The following WASL variants were observed in gnomAD, a reference collection of about 807,000 sequenced individuals.
WASL encodes the protein WASP like actin nucleation promoting factor, also known as actin nucleation-promoting factor WASL.
A neutral mutation model predicts 55.5 loss-of-function variants in WASL; 20 were observed. The ratio of observed to expected loss-of-function variants is 0.36; its 90% CI spans 0.25 to 0.52. The LOEUF (loss-of-function observed/expected upper bound fraction) is 0.52, where lower values mean the gene tolerates loss of function less well. Ranked by LOEUF, WASL falls within the 20% of genes least tolerant of loss-of-function variation. The pLI, the probability that WASL is intolerant of heterozygous loss-of-function variation, is 0.92. For missense variants in WASL, 504 were observed against 622.5 expected, an observed-to-expected ratio of 0.81 and a Z score of 2.03; for synonymous variants, 249 against 217.6, an observed-to-expected ratio of 1.14 and a Z score of -1.27.
intron 1 of WASL, among the ~76,000 whole-genome samples, chr7:123,718,049 A>G (rs1478844415): frequency 2.0e-5 from 3 of 152,008 alleles, no homozygotes; most frequent in African/African-American, 4.8e-5. Flanking sequence ...ACATGGCCAC[A>G]ATAGGTAGAA....
intron 1 of WASL, among the ~76,000 whole-genome samples, chr7:123,739,331 T>G (rs1285943954): frequency 6.6e-6 from 1 of 152,216 alleles, no homozygotes; most frequent in Non-Finnish European, 1.5e-5. Context: ...CCTCAATGCC[T>G]CCTAAAATTC....
At chr7:123,734,730 T>C (rs1273492212) in intron 1 of WASL, among the ~76,000 whole-genome samples, 1 of 152,084 alleles carries the variant, frequency 6.6e-6, no homozygotes, top group Non-Finnish European at 1.5e-5. Flanking sequence ...CATGATGTTA[T>C]GTACTTGTGA....
chr7:123,718,724 T>C (rs568514288), intron 1 of WASL, among the ~76,000 whole-genome samples: 3 of 152,334 alleles, frequency 2.0e-5, no homozygotes, highest in East Asian at 3.9e-4. Flanking sequence ...GATGATTACA[T>C]AGCATTTGCT....
intron 7 of WASL, 121 bp downstream of exon 7, chr7:123,695,702 T>TAA: frequency 1.1e-6 from 1 of 935,662 alleles, no homozygotes. Context: ...TATACATACA[T>TAA]AAAACACAAG....
chr7:123,743,927 A>G (rs984570992), intron 1 of WASL, among the ~76,000 whole-genome samples: 1 of 152,252 alleles, frequency 6.6e-6, no homozygotes, highest in Non-Finnish European at 1.5e-5. Flanking sequence ...GCTGCGTCAC[A>G]TACATTTTTG....
At chr7:123,689,213 A>C (rs74521781) in intron 9 of WASL, 63 bp from the exon 10 acceptor site, 4 of 1,374,532 alleles carry the variant, frequency 2.9e-6, no homozygotes, top group South Asian at 2.4e-5. Context: ...TTGTCTCCAG[A>C]AAGTCCTACT....
At chr7:123,743,307 C>T (rs1042015127) in intron 1 of WASL, among the ~76,000 whole-genome samples, 48 of 149,330 alleles carry the variant, frequency 3.2e-4, no homozygotes, top group Non-Finnish European at 5.5e-4. Flanking sequence ...ACTGCACTCC[C>T]GCCTTGGCGA....
chr7:123,739,902 GTGTGTGTGTGTGTATATA>G (rs1489292784), intron 1 of WASL, among the ~76,000 whole-genome samples: 5 of 88,692 alleles, frequency 5.6e-5, no homozygotes, highest in African/African-American at 2.2e-4. Context: ...GTGTGTGTGT[GTGTGTGTGTGTGTATATA>G]TATATATATA....
At position 123,684,026 on chromosome 7, in the gene WASL, A is replaced by G. The variant is rs983686231; in HGVS notation, c.*493T>C. The G allele has an allele frequency of 2.0e-5, 3 of 152,070 alleles. No individual in the cohort carries two copies. The highest frequency in any genetic ancestry group is 7.2e-5 in the African/African-American group (3 of 41,420). The allele number at this position is 152,070 out of a possible 1,614,324, so 9.4% of individuals were successfully genotyped here. On this transcript the variant is annotated 3_prime_UTR_variant, in exon 11 of 11. Transcript: ENST00000223023. ...GTAGTGATGTCTACAGAACTGTGCA[A>G]TGTATCAGCTTCAACATTCATATGT...
At position 123,689,130 on chromosome 7, in the gene WASL, A is replaced by G. The variant is rs1163822467; in HGVS notation, c.1368T>C (p.Ser456=). 1 of 1,613,738 alleles carries G rather than the reference A, an allele frequency of 6.2e-7. No homozygotes were observed. The highest frequency in any genetic ancestry group is 1.7e-5 in the Admixed American group (1 of 60,000). The change falls in exon 10 of 11, where the codon TCT becomes TCC. Residue 456 remains serine (S), a synonymous_variant. Coordinates refer to ENST00000223023, the MANE Select transcript of WASL (RefSeq NM_003941.4). ...QLKSVADGQE[S]TPPTPAPTSG... The stretch of plus-strand genomic sequence containing the variant: ...AAGTGGGTGCAGGTGTTGGTGGTGT[A>G]GACTCTTGGCCATCAGCCACCTTGG...
At chr7:123,727,437 C>T (rs1804066818) in intron 1 of WASL, among the ~76,000 whole-genome samples, 2 of 151,084 alleles carry the variant, frequency 1.3e-5, no homozygotes, top group Admixed American at 1.3e-4. Flanking sequence ...ACGGGAAACT[C>T]AAATATCCAT....
rs1208871014 is a variant in WASL, at chr7:123,683,760, T to C, written c.*759A>G. Reference sequence around the variant, plus strand: ...CAACTTAAATTTTGTTTCAGAGTAATACCAAAAAAATTTTCAAAAATTTTG... The same window carrying C: ...CAACTTAAATTTTGTTTCAGAGTAACACCAAAAAAATTTTCAAAAATTTTG... On this transcript the variant is annotated 3_prime_UTR_variant, in exon 11 of 11. Coordinates refer to ENST00000223023, the MANE Select transcript of WASL (RefSeq NM_003941.4). 6.6e-6 allele frequency: 1 copy of C among 151,954 alleles called. No homozygotes were observed. Among genetic ancestry groups the C allele is most frequent in the African/African-American group, 2.4e-5 (1 of 41,412 alleles). The allele number at this position is 151,954 out of a possible 1,614,324, so 9.4% of individuals were successfully genotyped here.
intron 1 of WASL, among the ~76,000 whole-genome samples, chr7:123,725,272 G>A (rs1325249146): frequency 1.3e-5 from 2 of 152,038 alleles, no homozygotes; most frequent in South Asian, 2.1e-4. Flanking sequence ...TAAATTTAAT[G>A]TTCTATTAAA....
chr7:123,699,170 GGTCAGGA>G (rs1412286333), intron 5 of WASL, among the ~76,000 whole-genome samples: 39 of 152,262 alleles, frequency 2.6e-4, no homozygotes, highest in African/African-American at 8.9e-4. Context: ...CAGATCATGA[GGTCAGGA>G]GTTCGAGACC....
chr7:123,748,633 G>A lies in WASL; in HGVS notation c.102C>T (p.Leu34=), dbSNP rs779409206. The change falls in exon 1 of 11, where the codon CTC becomes CTT. Residue 34 remains leucine (L), a synonymous_variant. Coordinates refer to ENST00000223023, the MANE Select transcript of WASL (RefSeq NM_003941.4). ...PQENESLFTF[L]GKKCVTMSSA... is the part of the protein sequence containing the mutation. ...GTCCACTGACCACACATTTCTTGCCGAGGAAAGTGAAGAGGGACTCGTTCT... is the reference window on the plus strand; with the variant it reads ...GTCCACTGACCACACATTTCTTGCCAAGGAAAGTGAAGAGGGACTCGTTCT... 1.4e-5 allele frequency: 22 copies of A among 1,613,452 alleles called. No homozygotes were observed. The highest frequency in any genetic ancestry group is 1.9e-5 in the Non-Finnish European group (22 of 1,179,788).
chr7:123,707,467 A>G (rs1452131639), intron 2 of WASL, among the ~76,000 whole-genome samples: 2 of 152,202 alleles, frequency 1.3e-5, no homozygotes, highest in African/African-American at 2.4e-5. Context: ...GATGGCTGCC[A>G]TATCTATTGC....
intron 1 of WASL, among the ~76,000 whole-genome samples, chr7:123,709,972 AG>A (rs1378159664): frequency 6.6e-6 from 1 of 152,194 alleles, no homozygotes; most frequent in African/African-American, 2.4e-5. Context: ...GATGTATAGG[AG>A]GGAAGCTAAC....
At chr7:123,691,283 C>T (rs1056731159) in intron 9 of WASL, among the ~76,000 whole-genome samples, 3 of 152,068 alleles carry the variant, frequency 2.0e-5, no homozygotes, top group East Asian at 3.9e-4. Flanking sequence ...TCCTGGAGAA[C>T]ATGTTATAAA....
At position 123,741,440 on chromosome 7, in the gene WASL, T is replaced by G. The variant is rs1049263099; in HGVS notation, c.117+7178A>C. Among the ~76,000 whole-genome samples the G allele has an allele frequency of 2.6e-5, 4 of 152,290 alleles. No homozygotes were observed. In the East Asian group the frequency reaches 7.7e-4, roughly 29 times the overall value. On this transcript the variant is annotated intron_variant, in intron 1 of 10. Transcript: ENST00000223023. ...ACGATGCTAGGTGACCTATAAGAAT[T>G]ATATTTATAGTTAACAATGTATATC... is the stretch of plus-strand genomic sequence containing the variant.
Sources: allele counts gnomAD v4.1 joint callset (sites outside exome capture counted in the v4.1 genomes callset), GRCh38; gene constraint gnomAD v4.1.1; transcripts MANE v1.5; gene names NCBI Gene and HGNC (gene_info 2026-07-23, HGNC 2026-07-21).